Variants in TRERF1 observed in about 807,000 individuals in gnomAD.
TRERF1 encodes transcriptional-regulating factor 1.
In TRERF1, 27 loss-of-function variants were observed where a neutral mutation model predicts 122.9. That is an observed-to-expected ratio of 0.22 (90% CI 0.16 to 0.30). The LOEUF (loss-of-function observed/expected upper bound fraction) is 0.30. Among genes scored for constraint, TRERF1 ranks in the 10% least tolerant of loss-of-function variants. TRERF1 has a pLI of 1.00. For missense variants in TRERF1, 1,248 were observed against 1,560.3 expected, an observed-to-expected ratio of 0.80 and a Z score of 3.37; for synonymous variants, 636 against 641.7, an observed-to-expected ratio of 0.99 and a Z score of 0.13.
intron 2 of TRERF1, among the ~76,000 whole-genome samples, chr6:42,371,436 G>GA (rs1235798561): frequency 1.3e-5 from 2 of 152,082 alleles, no homozygotes; most frequent in Non-Finnish European, 2.9e-5. Context: ...TAGGAATAGA[G>GA]AAAAAAGAAA....
chr6:42,282,437 A>G (rs947360977), intron 4 of TRERF1, among the ~76,000 whole-genome samples: 2 of 152,214 alleles, frequency 1.3e-5, no homozygotes, highest in Non-Finnish European at 2.9e-5. Context: ...AGTCCCAGCT[A>G]CTTGGGAAGC....
At chr6:42,359,935 A>G (rs1402179826) in intron 3 of TRERF1, among the ~76,000 whole-genome samples, 1 of 152,178 alleles carries the variant, frequency 6.6e-6, no homozygotes, top group African/African-American at 2.4e-5. Flanking sequence ...CTTCCCCCAA[A>G]ATGAATTCTA....
At chr6:42,315,707 C>T (rs1582991177) in intron 3 of TRERF1, among the ~76,000 whole-genome samples, 1 of 57,500 alleles carries the variant, frequency 1.7e-5, no homozygotes, top group South Asian at 7.8e-4. Flanking sequence ...AGGAACACCA[C>T]CCCCCCCCCC....
intron 2 of TRERF1, among the ~76,000 whole-genome samples, chr6:42,408,258 T>C (rs1220210904): frequency 2.3e-4 from 19 of 84,096 alleles, no homozygotes; most frequent in Admixed American, 1.1e-3. Flanking sequence ...TACATACACA[T>C]GTGTGTGTAT....
chr6:42,450,148 A>G (rs1176080906), intron 2 of TRERF1, among the ~76,000 whole-genome samples: 1 of 152,014 alleles, frequency 6.6e-6, no homozygotes, highest in Non-Finnish European at 1.5e-5. Context: ...AGCACTGAGG[A>G]CTCCTGCTGT....
At chr6:42,289,512 T>C (rs773365680) in intron 4 of TRERF1, among the ~76,000 whole-genome samples, 13 of 152,018 alleles carry the variant, frequency 8.6e-5, no homozygotes, top group Non-Finnish European at 1.3e-4. Context: ...AGGACTTACA[T>C]AATAAGAAAG....
At chr6:42,438,509 C>G (rs1785877656) in intron 2 of TRERF1, among the ~76,000 whole-genome samples, 1 of 151,198 alleles carries the variant, frequency 6.6e-6, no homozygotes, top group Admixed American at 6.6e-5. Flanking sequence ...ACTTGGGAGG[C>G]TGAGGCAGGA....
At chr6:42,252,944 C>T (rs1582576719) in intron 13 of TRERF1, among the ~76,000 whole-genome samples, 1 of 152,204 alleles carries the variant, frequency 6.6e-6, no homozygotes, top group African/African-American at 2.4e-5. Flanking sequence ...CTTTTGCCTC[C>T]AAGGATTGAA....
chr6:42,348,175 G>A (rs16895621), intron 3 of TRERF1, among the ~76,000 whole-genome samples: 5,689 of 150,558 alleles, frequency 0.038, 282 homozygotes, highest in East Asian at 0.24. Context: ...CAGTGTGCAC[G>A]TCTGTATAAA....
At chr6:42,233,307 A>G (rs1463261182) in intron 16 of TRERF1, among the ~76,000 whole-genome samples, 3 of 131,554 alleles carry the variant, frequency 2.3e-5, no homozygotes, top group African/African-American at 8.9e-5. Context: ...TTTTTTTGAG[A>G]CAGAGTCTCG....
At chr6:42,251,917 T>C (rs1775893401) in intron 13 of TRERF1, among the ~76,000 whole-genome samples, 1 of 152,170 alleles carries the variant, frequency 6.6e-6, no homozygotes, top group African/African-American at 2.4e-5. Flanking sequence ...ACCAGTTCAA[T>C]GAAAAAAATC....
At chr6:42,229,358 G>A (rs1043225845) in intron 17 of TRERF1, among the ~76,000 whole-genome samples, 1 of 152,082 alleles carries the variant, frequency 6.6e-6, no homozygotes, top group Non-Finnish European at 1.5e-5. Context: ...TGCTGGCCTC[G>A]AACTCCTGGC....
intron 9 of TRERF1, 121 bp from the exon 10 acceptor site, chr6:42,258,322 G>C (rs112158500): frequency 3.6e-6 from 3 of 842,050 alleles, no homozygotes; most frequent in Non-Finnish European, 5.8e-6. Flanking sequence ...GCTCCTGCCA[G>C]AGTTATCCTT....
At chr6:42,303,606 G>C (rs1786602892) in intron 3 of TRERF1, among the ~76,000 whole-genome samples, 1 of 152,104 alleles carries the variant, frequency 6.6e-6, no homozygotes, top group Non-Finnish European at 1.5e-5. Flanking sequence ...TGGTATTCAA[G>C]ACAGGCATTA....
At chr6:42,358,480 T>C (rs377543511) in intron 3 of TRERF1, among the ~76,000 whole-genome samples, 16 of 152,346 alleles carry the variant, frequency 1.1e-4, no homozygotes, top group East Asian at 7.7e-4. Flanking sequence ...ATTCAGCAGC[T>C]AACTCCACAT....
chr6:42,369,189 T>A (rs541027299), intron 2 of TRERF1, among the ~76,000 whole-genome samples: 2 of 152,208 alleles, frequency 1.3e-5, no homozygotes, highest in South Asian at 4.1e-4. Context: ...GTGGCTCACA[T>A]CTATGATCCT....
chr6:42,330,450 C>G (rs557107988), intron 3 of TRERF1, among the ~76,000 whole-genome samples: 1 of 152,180 alleles, frequency 6.6e-6, no homozygotes, highest in African/African-American at 2.4e-5. Flanking sequence ...AACATAGGTT[C>G]AAAGATATTC....
intron 3 of TRERF1, among the ~76,000 whole-genome samples, chr6:42,333,913 C>G (rs1253756043): frequency 4.6e-5 from 7 of 151,842 alleles, no homozygotes; most frequent in Non-Finnish European, 8.8e-5. Context: ...AAGGATGCAG[C>G]AAAGATATTT....
chr6:42,281,965 C>G (rs1782380973), intron 4 of TRERF1, among the ~76,000 whole-genome samples: 1 of 152,160 alleles, frequency 6.6e-6, no homozygotes, highest in Admixed American at 6.5e-5. Context: ...AGATGCATCC[C>G]CTTAGGAACA....
Sources: allele counts gnomAD v4.1 joint callset (sites outside exome capture counted in the v4.1 genomes callset), GRCh38; gene constraint gnomAD v4.1.1; transcripts MANE v1.5; gene names NCBI Gene and HGNC (gene_info 2026-07-23, HGNC 2026-07-21).